ERC1: variants seen among roughly 807,000 people sequenced by gnomAD.
ERC1 encodes RAB6 interacting protein 2.
ERC1 carries 56 observed loss-of-function variants against 132.0 expected under a neutral mutation model. That is an observed-to-expected ratio of 0.42 (90% CI 0.34 to 0.53). The LOEUF is 0.53. ERC1 is among the 20% of genes least tolerant of loss of function. The probability of loss-of-function intolerance (pLI) is 0.03; values close to 1 mark genes in which losing one functional copy is unlikely to be tolerated. For synonymous variants in ERC1, 478 were observed against 476.1 expected (o/e 1.00, Z -0.05); for missense variants, 1,202 against 1,349.9 (o/e 0.89, Z 1.72).
intron 18 of ERC1, among the ~76,000 whole-genome samples, chr12:1,458,660 G>A (rs117972133): frequency 0.035 from 5,333 of 151,538 alleles, 132 homozygotes; most frequent in Non-Finnish European, 0.051. Context: ...TCAGCCTCCC[G>A]AGTAACTGAA....
chr12:1,339,406 A>G lies in ERC1; in HGVS notation c.2781-32427A>G, dbSNP rs375436167. Among the ~76,000 whole-genome samples, 1,147 of 132,142 alleles carry G rather than the reference A, an allele frequency of 8.7e-3. 18 individuals carry two copies. The highest frequency in any genetic ancestry group is 0.039 in the Middle Eastern group (8 of 206). The allele number at this position is 132,142 out of a possible 152,430, so 86.7% of individuals were successfully genotyped here. On this transcript the variant is annotated intron_variant, in intron 15 of 18. Coordinates refer to ENST00000360905, the MANE Select transcript of ERC1 (RefSeq NM_178040.4). ...GTGGCAGAGGCAGCTCAGCTGGACA[A>G]CTGTGACGGGGTGCTAGCAGGTGCC...
At chr12:1,296,682 C>T (rs1041669874) in intron 15 of ERC1, among the ~76,000 whole-genome samples, 1 of 152,082 alleles carries the variant, frequency 6.6e-6, no homozygotes, top group Non-Finnish European at 1.5e-5. Flanking sequence ...TTACAGGCGT[C>T]AGCCACCGTG....
At chr12:1,231,919 T>C (rs1423432725) in intron 12 of ERC1, among the ~76,000 whole-genome samples, 1 of 152,174 alleles carries the variant, frequency 6.6e-6, no homozygotes, top group Non-Finnish European at 1.5e-5. Flanking sequence ...TTTGTATTTT[T>C]AGTAGAGATG....
chr12:1,021,282 A>T (rs901576546), intron 1 of ERC1, among the ~76,000 whole-genome samples: 39 of 152,236 alleles, frequency 2.6e-4, no homozygotes, highest in African/African-American at 9.4e-4. Context: ...TGTGCCAGGA[A>T]TGCAAGCAAG....
intron 2 of ERC1, among the ~76,000 whole-genome samples, chr12:1,036,850 C>CT (rs557244268): frequency 1.8e-4 from 27 of 152,290 alleles, no homozygotes; most frequent in Non-Finnish European, 3.5e-4. Flanking sequence ...TAAGTTTAAT[C>CT]TTTTTTGTTG....
intron 8 of ERC1, among the ~76,000 whole-genome samples, chr12:1,155,836 C>CAGTATGAG (rs1376278725): frequency 6.6e-6 from 1 of 150,982 alleles, no homozygotes; most frequent in African/African-American, 2.4e-5. Context: ...CTTGTATTAA[C>CAGTATGAG]AGTATGAGAG....
At chr12:1,404,323 A>T (rs572302910) in intron 16 of ERC1, among the ~76,000 whole-genome samples, 1 of 151,126 alleles carries the variant, frequency 6.6e-6, no homozygotes, top group Non-Finnish European at 1.5e-5. Flanking sequence ...TCATTCATTT[A>T]TTTACTCATC....
intron 15 of ERC1, 56 bp downstream of exon 15, chr12:1,290,068 C>G: frequency 1.4e-6 from 2 of 1,475,062 alleles, no homozygotes; most frequent in Non-Finnish European, 1.9e-6. Flanking sequence ...TACTTTTTCT[C>G]CCTGCATTCA....
chr12:1,356,702 G>A (rs964658506), intron 15 of ERC1, among the ~76,000 whole-genome samples: 1 of 152,116 alleles, frequency 6.6e-6, no homozygotes, highest in Non-Finnish European at 1.5e-5. Context: ...AATTCTGTCT[G>A]GCATTTGGCA....
At chr12:1,147,244 A>G (rs1010667690) in intron 8 of ERC1, among the ~76,000 whole-genome samples, 4 of 152,104 alleles carry the variant, frequency 2.6e-5, no homozygotes, top group African/African-American at 9.7e-5. Flanking sequence ...CGTTCAGCAT[A>G]ATGTTGGCTG....
In ERC1 at chr12:1,244,356, C is replaced by G. The variant is rs149556331; in HGVS notation, c.2487+7452C>G. On this transcript the variant is annotated intron_variant, in intron 13 of 18. Transcript: ENST00000360905. Reference sequence around the variant, plus strand: ...AAATTTCTGGCTATTTAGGTGATCTCTTGATGTTTTCATGAAATAGGAGAA... The same window carrying G: ...AAATTTCTGGCTATTTAGGTGATCTGTTGATGTTTTCATGAAATAGGAGAA... Among the ~76,000 whole-genome samples, 250 of 152,138 alleles carry G rather than the reference C, an allele frequency of 1.6e-3. 1 individual carries two copies. The highest frequency in any genetic ancestry group is 6.8e-3 in the Middle Eastern group (2 of 292).
At chr12:1,225,853 TTC>T (rs1053787006) in intron 12 of ERC1, among the ~76,000 whole-genome samples, 2 of 152,196 alleles carry the variant, frequency 1.3e-5, no homozygotes, top group Admixed American at 6.5e-5. Context: ...TTAAATTTTT[TTC>T]TCTCTCTTAA....
intron 15 of ERC1, among the ~76,000 whole-genome samples, chr12:1,304,724 C>T (rs1192634024): frequency 6.8e-6 from 1 of 146,992 alleles, no homozygotes; most frequent in South Asian, 2.2e-4. Context: ...GGCCCTTTAA[C>T]ACAGTTCTAT....
intron 18 of ERC1, among the ~76,000 whole-genome samples, chr12:1,477,919 A>G (rs2094006616): frequency 6.6e-6 from 1 of 152,200 alleles, no homozygotes; most frequent in Non-Finnish European, 1.5e-5. Flanking sequence ...CTGTTTTGTT[A>G]TACATATAGT....
At position 1,440,421 on chromosome 12, in the gene ERC1, T is replaced by C. The variant is rs549077925; in HGVS notation, c.3025-4141T>C. Among the ~76,000 whole-genome samples the C allele has an allele frequency of 4.6e-4, 70 of 151,002 alleles. No homozygotes were observed. In the South Asian group the frequency reaches 7.3e-3, roughly 16 times the overall value. ...CGGGGTTTCACCGTGTTAGCCAGGA[T>C]GGTCTCGATCTCCTGACCTCGTGAT... is the stretch of plus-strand genomic sequence containing the variant. On this transcript the variant is annotated intron_variant, in intron 17 of 18. Coordinates refer to ENST00000360905, the MANE Select transcript of ERC1 (RefSeq NM_178040.4).
At chr12:1,258,692 A>G (rs1486161734) in intron 13 of ERC1, among the ~76,000 whole-genome samples, 1 of 152,204 alleles carries the variant, frequency 6.6e-6, no homozygotes, top group Admixed American at 6.5e-5. Context: ...CTGTGATAAT[A>G]TTGTCCCTTT....
intron 18 of ERC1, among the ~76,000 whole-genome samples, chr12:1,453,816 T>G (rs2093473884): frequency 6.6e-6 from 1 of 152,232 alleles, no homozygotes; most frequent in Non-Finnish European, 1.5e-5. Context: ...TCTTATCTTC[T>G]TCAGATCCTT....
chr12:1,378,810 A>G (rs1392628218), intron 16 of ERC1, among the ~76,000 whole-genome samples: 1 of 152,254 alleles, frequency 6.6e-6, no homozygotes, highest in African/African-American at 2.4e-5. Flanking sequence ...ATATGAGGGT[A>G]GAGTGTACCT....
intron 12 of ERC1, among the ~76,000 whole-genome samples, chr12:1,212,823 G>C (rs1033403523): frequency 2.2e-4 from 33 of 152,154 alleles, no homozygotes; most frequent in Admixed American, 5.9e-4. Flanking sequence ...TCTCCTCCCA[G>C]GGCACCGCTG....
Sources: gnomAD v4.1 joint callset for allele counts (sites outside exome capture counted in the v4.1 genomes callset) on GRCh38, gnomAD v4.1.1 for gene constraint, MANE v1.5 for transcripts, NCBI Gene and HGNC (gene_info 2026-07-23, HGNC 2026-07-21) for gene names.